The following TBC1D23 variants were observed in gnomAD, a reference collection of about 807,000 sequenced individuals.
TBC1D23 encodes HCV non-structural protein 4A-transactivated protein 1.
Under a neutral mutation model 91.4 loss-of-function variants are expected in TBC1D23, and 55 were observed. The observed-to-expected ratio is 0.60, with a 90% CI of 0.48 to 0.75. The LOEUF (loss-of-function observed/expected upper bound fraction) is 0.75. Ranked by LOEUF, TBC1D23 falls within the 30% of genes least tolerant of loss-of-function variation. The pLI is 0.00. For missense variants in TBC1D23, 725 were observed against 836.1 expected, an observed-to-expected ratio of 0.87 and a Z score of 1.64; for synonymous variants, 289 against 281.0, an observed-to-expected ratio of 1.03 and a Z score of -0.28.
At chr3:100,273,574 C>CA (rs1489617279) in intron 1 of TBC1D23, among the ~76,000 whole-genome samples, 1 of 152,180 alleles carries the variant, frequency 6.6e-6, no homozygotes, top group East Asian at 1.9e-4. Flanking sequence ...CAATCCTAAG[C>CA]AAAAAGAACA....
chr3:100,282,596 T>C (rs2148855181), intron 3 of TBC1D23, among the ~76,000 whole-genome samples: 1 of 152,358 alleles, frequency 6.6e-6, no homozygotes, highest in South Asian at 2.1e-4. Flanking sequence ...ATTTAGTTTA[T>C]ACTTCTTTTA....
At chr3:100,277,504 A>G (rs1000496589) in intron 1 of TBC1D23, among the ~76,000 whole-genome samples, 6 of 152,206 alleles carry the variant, frequency 3.9e-5, no homozygotes, top group East Asian at 1.9e-4. Flanking sequence ...GTGTTTGTAC[A>G]TTATTGTGAT....
intron 15 of TBC1D23, among the ~76,000 whole-genome samples, chr3:100,315,154 CTTTTTTT>C (rs397705981): frequency 7.1e-4 from 52 of 73,676 alleles, no homozygotes; most frequent in South Asian, 4.2e-3. Context: ...GAGGCAGATT[CTTTTTTT>C]TTTTTTTTTT....
chr3:100,316,392 A>C (rs770870623), intron 16 of TBC1D23, among the ~76,000 whole-genome samples: 4 of 152,186 alleles, frequency 2.6e-5, no homozygotes, highest in Non-Finnish European at 4.4e-5. Context: ...CCAACATGGC[A>C]CATGTATACA....
chr3:100,278,663 C>T (rs1021312039), intron 1 of TBC1D23, among the ~76,000 whole-genome samples: 54 of 152,224 alleles, frequency 3.5e-4, no homozygotes, highest in Admixed American at 1.7e-3. Context: ...GGATTACAGG[C>T]GTGAGCCACT....
Position 100,299,476 on chromosome 3 carries a change from A to G in TBC1D23, c.1092+145A>G, listed in dbSNP as rs2148863640. On this transcript the variant is annotated intron_variant, in intron 10 of 18. Transcript: ENST00000394144. The stretch of plus-strand genomic sequence containing the variant: ...CCCTTATGAGAAAAGTGTTGCTGTC[A>G]GGTTTCCTTTTCACCCAAATACCCT... The G allele has an allele frequency of 8.6e-6, 4 of 463,494 alleles. No homozygotes were observed. The South Asian group carries it at 1.2e-4, about 14-fold the overall frequency. 28.7% of individuals were successfully genotyped at this position (463,494 alleles called of 1,614,324 possible).
intron 16 of TBC1D23, among the ~76,000 whole-genome samples, chr3:100,317,015 G>A (rs1243165145): frequency 6.6e-6 from 1 of 151,638 alleles, no homozygotes; most frequent in African/African-American, 2.4e-5. Context: ...CCCAGGAGGC[G>A]GAGGTGCAGT....
intron 15 of TBC1D23, among the ~76,000 whole-genome samples, chr3:100,313,120 T>G (rs956612516): frequency 6.6e-6 from 1 of 152,142 alleles, no homozygotes; most frequent in African/African-American, 2.4e-5. Context: ...ATTACAGGAC[T>G]TCTGCTAATA....
At chr3:100,282,612 A>T (rs983751810) in intron 3 of TBC1D23, among the ~76,000 whole-genome samples, 7 of 152,222 alleles carry the variant, frequency 4.6e-5, no homozygotes, top group African/African-American at 1.7e-4. Flanking sequence ...TTTTAAATTC[A>T]TCTCTAGTGC....
chr3:100,262,596 G>T (rs1254965138), intron 1 of TBC1D23, among the ~76,000 whole-genome samples: 1 of 150,738 alleles, frequency 6.6e-6, no homozygotes. Flanking sequence ...GTGGTGGCGC[G>T]TGCCTGTAAT....
At chr3:100,289,046 T>C (rs149168106) in intron 4 of TBC1D23, among the ~76,000 whole-genome samples, 5 of 152,074 alleles carry the variant, frequency 3.3e-5, no homozygotes, top group Non-Finnish European at 7.4e-5. Context: ...AAACCCTGTC[T>C]CTACCAAAAA....
chr3:100,265,706 T>TA (rs1394961898), intron 1 of TBC1D23, among the ~76,000 whole-genome samples: 2 of 152,208 alleles, frequency 1.3e-5, no homozygotes, highest in Admixed American at 6.5e-5. Context: ...TTTGTTTAAT[T>TA]AAAAAATGTT....
intron 12 of TBC1D23, 128 bp from the exon 13 acceptor site, chr3:100,306,309 T>C (rs1705516572): frequency 1.7e-6 from 1 of 601,060 alleles, no homozygotes; most frequent in Non-Finnish European, 2.9e-6. Context: ...CAGAAAGAAA[T>C]ACCTGTGATT....
In TBC1D23 at chr3:100,319,113, G is replaced by A; in HGVS notation, c.1732G>A (p.Val578Ile). ...SSMSDDDRKE[V>I]VNIQTWINKP... The stretch of plus-strand genomic sequence containing the variant: ...AATGTCAGATGATGATAGAAAAGAG[G>A]TTGTAAACATTCAGACTTGGATAAA... Residue 578 changes from valine (V) to isoleucine (I), a missense_variant, in exon 17 of 19, where the codon GTT (valine) becomes ATT (isoleucine). Physicochemically the swap from Val to Ile is conservative, Grantham distance 29. Coordinates refer to ENST00000394144, the MANE Select transcript of TBC1D23 (RefSeq NM_001199198.3). 2 of 1,596,354 alleles carry A rather than the reference G, an allele frequency of 1.3e-6. No homozygotes were observed. The highest frequency in any genetic ancestry group is 1.7e-6 in the Non-Finnish European group (2 of 1,166,938).
In TBC1D23 at chr3:100,297,933, A is replaced by T. The variant is rs201941803; in HGVS notation, c.887A>T (p.His296Leu). Reference sequence around the variant, plus strand: ...TTTCCCTTCAAACAGGATAATCACCATCTCTTTGGTAGTACTTTGTTGGGA... The same window carrying T: ...TTTCCCTTCAAACAGGATAATCACCTTCTCTTTGGTAGTACTTTGTTGGGA... ...TPASFRKDNHHLFGSTLLGIK... is the reference protein window; with the variant it reads ...TPASFRKDNHLLFGSTLLGIK... The change falls in exon 9 of 19, where the codon CAT becomes CTT. Residue 296 changes from histidine (H) to leucine (L), a missense_variant. Coordinates refer to ENST00000394144, the MANE Select transcript of TBC1D23 (RefSeq NM_001199198.3). The T allele has an allele frequency of 1.9e-6, 3 of 1,609,050 alleles. No homozygotes were observed. Among genetic ancestry groups the T allele is most frequent in the Non-Finnish European group, 2.5e-6 (3 of 1,176,820 alleles).
intron 1 of TBC1D23, among the ~76,000 whole-genome samples, chr3:100,272,097 T>A (rs1293259811): frequency 6.6e-6 from 1 of 152,222 alleles, no homozygotes; most frequent in East Asian, 1.9e-4. Context: ...CACTCAAAAA[T>A]TGAGCCACAT....
chr3:100,299,322 T>A lies in TBC1D23; in HGVS notation c.1083T>A (p.Asp361Glu). The A allele has an allele frequency of 6.2e-7, 1 of 1,602,184 alleles. No individual in the cohort carries two copies. Among genetic ancestry groups the A allele is most frequent in the Non-Finnish European group, 8.5e-7 (1 of 1,169,626 alleles). Residue 361 changes from aspartate to glutamate, a missense_variant, in exon 10 of 19, where the codon GAT becomes GAA. Coordinates refer to ENST00000394144, the MANE Select transcript of TBC1D23 (RefSeq NM_001199198.3). ...ATTTATCAACTGCTTTCCACTTAGATTCAGACCTGGTTAGTATAAATGCTG... is the reference window on the plus strand; with the variant it reads ...ATTTATCAACTGCTTTCCACTTAGAATCAGACCTGGTTAGTATAAATGCTG... ...AGHLSTAFHLDSDLMLQNPSE... is the reference protein window; with the variant it reads ...AGHLSTAFHLESDLMLQNPSE...
At chr3:100,284,032 G>A (rs982805600) in intron 4 of TBC1D23, 5 of 468,378 alleles carry the variant, frequency 1.1e-5, no homozygotes, top group African/African-American at 9.7e-5. Context: ...TTATACTGGG[G>A]TTGGAGTTGG....
chr3:100,304,899 G>T lies in TBC1D23; in HGVS notation c.1306+11G>T. ...GTGGAGGATTTATGGGTAAGATTTT[G>T]ATTTATTAGTTTTTTTCCTCTATGT... On this transcript the variant is annotated intron_variant, in intron 12 of 18. Transcript: ENST00000394144. 2.8e-6 allele frequency: 4 copies of T among 1,428,618 alleles called. No homozygotes were observed. The highest frequency in any genetic ancestry group is 2.3e-5 in the South Asian group (2 of 86,276). The allele number at this position is 1,428,618 out of a possible 1,614,324, so 88.5% of individuals were successfully genotyped here.
Sources: allele counts gnomAD v4.1 joint callset (sites outside exome capture counted in the v4.1 genomes callset), GRCh38; gene constraint gnomAD v4.1.1; transcripts MANE v1.5; gene names NCBI Gene and HGNC (gene_info 2026-07-23, HGNC 2026-07-21).